The following TMEFF1 variants were observed in gnomAD, a reference collection of about 807,000 sequenced individuals.
The protein encoded by TMEFF1 is transmembrane protein with EGF like and two follistatin like domains 1, also known as tomoregulin-1.
Under a neutral mutation model 47.5 loss-of-function variants are expected in TMEFF1, and 20 were observed. That is an observed-to-expected ratio of 0.42 (90% CI 0.30 to 0.61). TMEFF1 has a LOEUF of 0.61. TMEFF1 is among the 20% of genes least tolerant of loss of function. TMEFF1 has a pLI of 0.19. For synonymous variants in TMEFF1, 162 were observed against 166.3 expected (o/e 0.97, Z 0.20); for missense variants, 411 against 471.1 (o/e 0.87, Z 1.18).
rs992065154 is a variant in TMEFF1 at position 100,486,710 on chromosome 9, G to T, written c.197-12055G>T. 3.3e-5 allele frequency among the ~76,000 whole-genome samples: 5 copies of T among 152,128 alleles called. No individual in the cohort carries two copies. The East Asian group carries it at 7.7e-4, about 23-fold the overall frequency. On this transcript the variant is annotated intron_variant, in intron 1 of 9. Coordinates refer to ENST00000374879, the MANE Select transcript of TMEFF1 (RefSeq NM_003692.5). ...GAGTGCAGTGGCATGATGGCTTACT[G>T]CAGCCTTGACCTTCCAGGCTCAATT...
At position 100,518,407 on chromosome 9, in the gene TMEFF1, A is replaced by G. The variant is rs555344293; in HGVS notation, c.560+1636A>G. ...TCTATTTATCTGAGAGCTTGCCACC[A>G]CTATTGTTGCAGATACCAGCTCTAA... On this transcript the variant is annotated intron_variant, in intron 5 of 9. Coordinates refer to ENST00000374879, the MANE Select transcript of TMEFF1 (RefSeq NM_003692.5). 7 of 984,148 alleles carry G rather than the reference A, an allele frequency of 7.1e-6. No homozygotes were observed. The South Asian group carries it at 2.8e-4, about 40-fold the overall frequency. The allele number at this position is 984,148 out of a possible 1,614,324, so 61.0% of individuals were successfully genotyped here. A position where few individuals can be genotyped will look rare whatever the true frequency, so the allele number is the denominator to read the frequency against.
chr9:100,508,714 C>T (rs796549987), intron 2 of TMEFF1, among the ~76,000 whole-genome samples: 9 of 151,970 alleles, frequency 5.9e-5, no homozygotes, highest in African/African-American at 2.2e-4. Flanking sequence ...GCACTCTTTA[C>T]ATTGTCAATA....
intron 2 of TMEFF1, among the ~76,000 whole-genome samples, chr9:100,505,273 A>G (rs1045532066): frequency 2.0e-5 from 3 of 151,812 alleles, no homozygotes; most frequent in Admixed American, 2.0e-4. Context: ...TTGGCTGGGC[A>G]TGGTGGTGTG....
intron 5 of TMEFF1, among the ~76,000 whole-genome samples, chr9:100,536,041 C>T (rs1838498194): frequency 6.6e-6 from 1 of 151,894 alleles, no homozygotes; most frequent in African/African-American, 2.4e-5. Context: ...TTTTAACAAC[C>T]TTCTTTTATT....
In TMEFF1 at chr9:100,527,591, C is replaced by T. The variant is rs142055261; in HGVS notation, c.560+10820C>T. Among the ~76,000 whole-genome samples the T allele has an allele frequency of 6.7e-3, 1,018 of 152,296 alleles. 7 individuals carry two copies. The highest frequency in any genetic ancestry group is 0.024 in the African/African-American group (991 of 41,558). ...CCCGCACCTGGCTCGGGGGGTCCTA[C>T]ACCCATATAGTCTCGCTGATGGCTA... is the stretch of plus-strand genomic sequence containing the variant. On this transcript the variant is annotated intron_variant, in intron 5 of 9. Coordinates refer to ENST00000374879, the MANE Select transcript of TMEFF1 (RefSeq NM_003692.5).
chr9:100,501,993 G>A (rs1837771252), intron 2 of TMEFF1, among the ~76,000 whole-genome samples: 1 of 152,038 alleles, frequency 6.6e-6, no homozygotes, highest in African/African-American at 2.4e-5. Context: ...TAAACAACTT[G>A]AACAATATAA....
rs1017569640 is a variant in TMEFF1 at position 100,486,387 on chromosome 9, C to T, written c.197-12378C>T. On this transcript the variant is annotated intron_variant, in intron 1 of 9. Transcript: ENST00000374879. The stretch of plus-strand genomic sequence containing the variant: ...CCTCCTGAGTAGCTGGGATTACCGG[C>T]GCGTGCCACCATGCCCAGCTAATTT... Among the ~76,000 whole-genome samples, 6 of 152,004 alleles carry T rather than the reference C, an allele frequency of 3.9e-5. No homozygotes were observed. In the East Asian group the frequency reaches 7.7e-4, roughly 20 times the overall value.
At chr9:100,480,484 A>T (rs998051273) in intron 1 of TMEFF1, among the ~76,000 whole-genome samples, 1 of 152,230 alleles carries the variant, frequency 6.6e-6, no homozygotes, top group African/African-American at 2.4e-5. Flanking sequence ...AGAAGCTGAA[A>T]GAATTGCCTC....
rs1379920521 is a variant in TMEFF1 at position 100,477,327 on chromosome 9, G to C, written c.196+3587G>C. 2.0e-5 allele frequency among the ~76,000 whole-genome samples: 3 copies of C among 152,100 alleles called. No individual in the cohort carries two copies. The East Asian group carries it at 5.8e-4, about 29-fold the overall frequency. ...TGTTAGTTGAATTTAACAGATTTTC[G>C]AGCTTCTGCTGTTCAACATTTTCCC... On this transcript the variant is annotated intron_variant, in intron 1 of 9. Transcript: ENST00000374879.
chr9:100,531,932 C>T lies in TMEFF1; in HGVS notation c.560+15161C>T, dbSNP rs867486547. Among the ~76,000 whole-genome samples the T allele has an allele frequency of 8.5e-4, 126 of 148,406 alleles. No individual in the cohort carries two copies. The Middle Eastern group carries it at 0.01, about 12-fold the overall frequency. On this transcript the variant is annotated intron_variant, in intron 5 of 9. Transcript: ENST00000374879. ...AACAGAACAGAGCCCTCAGAAATAA[C>T]GCCGCATATCTACAACTATCTGATC...
At chr9:100,569,663 T>A (rs1839188978) in intron 8 of TMEFF1, among the ~76,000 whole-genome samples, 1 of 152,174 alleles carries the variant, frequency 6.6e-6, no homozygotes, top group African/African-American at 2.4e-5. Flanking sequence ...TTCTAAAAAT[T>A]AAATTTATTT....
At chr9:100,493,572 T>C (rs1435556152) in intron 1 of TMEFF1, among the ~76,000 whole-genome samples, 2 of 152,194 alleles carry the variant, frequency 1.3e-5, no homozygotes. Flanking sequence ...TTTTGAGAAT[T>C]GTGGGGCAGA....
intron 5 of TMEFF1, among the ~76,000 whole-genome samples, chr9:100,532,163 T>C (rs1838396053): frequency 6.6e-6 from 1 of 151,974 alleles, no homozygotes; most frequent in South Asian, 2.1e-4. Context: ...GGCATTACCA[T>C]TCAGGACATA....
At chr9:100,482,874 T>C (rs1448416046) in intron 1 of TMEFF1, among the ~76,000 whole-genome samples, 1 of 152,210 alleles carries the variant, frequency 6.6e-6, no homozygotes, top group African/African-American at 2.4e-5. Context: ...GTTCTTCTTT[T>C]TAACTCTTTC....
intron 8 of TMEFF1, among the ~76,000 whole-genome samples, chr9:100,565,352 T>A (rs1839105699): frequency 6.6e-6 from 1 of 152,134 alleles, no homozygotes; most frequent in Non-Finnish European, 1.5e-5. Flanking sequence ...TGCATTTGAA[T>A]CCCACATTCC....
intron 1 of TMEFF1, among the ~76,000 whole-genome samples, chr9:100,483,539 A>G (rs959862372): frequency 4.2e-5 from 6 of 144,222 alleles, no homozygotes; most frequent in Admixed American, 3.5e-4. Context: ...AAGGTGTGTC[A>G]TTGTATTCTA....
chr9:100,509,219 C>CCA, intron 3 of TMEFF1, 85 bp downstream of exon 3: 2 of 1,392,690 alleles, frequency 1.4e-6, no homozygotes, highest in Non-Finnish European at 1.9e-6. Flanking sequence ...AGGTATATTT[C>CCA]CACAACTGCT....
chr9:100,509,048 C>G lies in TMEFF1; in HGVS notation c.350C>G (p.Thr117Ser). ...CCTGTCTGTGGATCAAATGGGGACA[C>G]TTATCAAAATGAATGCTTTCTCAGA... ...YIPVCGSNGD[T>S]YQNECFLRRA... The change falls in exon 3 of 10, where the codon ACT (threonine) becomes AGT (serine). Residue 117 changes from threonine (T) to serine (S), a missense_variant. Transcript: ENST00000374879. The G allele has an allele frequency of 6.2e-7, 1 of 1,604,258 alleles. No homozygotes were observed. Among genetic ancestry groups the G allele is most frequent in the African/African-American group, 1.3e-5 (1 of 74,494 alleles).
At chr9:100,519,479 G>C (rs796647625) in intron 5 of TMEFF1, among the ~76,000 whole-genome samples, 39 of 151,924 alleles carry the variant, frequency 2.6e-4, no homozygotes, top group African/African-American at 8.4e-4. Context: ...CTTCAAAGAT[G>C]AAATCATTGA....
Sources: allele counts gnomAD v4.1 joint callset (sites outside exome capture counted in the v4.1 genomes callset), GRCh38; gene constraint gnomAD v4.1.1; transcripts MANE v1.5; gene names NCBI Gene and HGNC (gene_info 2026-07-23, HGNC 2026-07-21).